The following ADGRL2 variants were observed in gnomAD, a reference collection of about 807,000 sequenced individuals.
ADGRL2 encodes adhesion G protein-coupled receptor L2.
A neutral mutation model predicts 157.4 loss-of-function variants in ADGRL2; 44 were observed. The observed-to-expected ratio is 0.28, with a 90% CI of 0.22 to 0.36. The LOEUF (loss-of-function observed/expected upper bound fraction) is 0.36. ADGRL2 is among the 10% of genes least tolerant of loss of function. The probability of loss-of-function intolerance (pLI) is 1.00; values close to 1 mark genes in which losing one functional copy is unlikely to be tolerated. For synonymous variants in ADGRL2, 585 were observed against 624.7 expected (o/e 0.94, Z 0.95); for missense variants, 1,510 against 1,768.9 (o/e 0.85, Z 2.63).
intron 2 of ADGRL2, among the ~76,000 whole-genome samples, chr1:81,508,737 G>A (rs2079024171): frequency 6.6e-6 from 1 of 152,162 alleles, no homozygotes. Context: ...GGGAACATAG[G>A]AATCACACAC....
chr1:81,920,962 G>T (rs1014062772), intron 3 of ADGRL2, among the ~76,000 whole-genome samples: 1 of 151,632 alleles, frequency 6.6e-6, no homozygotes, highest in Non-Finnish European at 1.5e-5. Flanking sequence ...TTTAATAAAA[G>T]TAATATTTTG....
chr1:81,438,040 A>G (rs141249283), intron 1 of ADGRL2, among the ~76,000 whole-genome samples: 5 of 32,586 alleles, frequency 1.5e-4, no homozygotes, highest in Non-Finnish European at 5.4e-4. Flanking sequence ...CTGTTTGGGG[A>G]AAAAAAAAAA....
At chr1:81,967,330 C>T (rs186263289) in intron 13 of ADGRL2, among the ~76,000 whole-genome samples, 201 of 150,868 alleles carry the variant, frequency 1.3e-3, no homozygotes, top group Non-Finnish European at 2.4e-3. Context: ...GGCGCGATCT[C>T]GGCTCACTGC....
At chr1:81,448,137 C>CTTTTTTTTTT (rs1168945231) in intron 2 of ADGRL2, among the ~76,000 whole-genome samples, 14 of 83,500 alleles carry the variant, frequency 1.7e-4, no homozygotes, top group South Asian at 1.0e-3. Context: ...TTCTTTCTTT[C>CTTTTTTTTTT]TTTTTTTTTT....
In ADGRL2 at chr1:81,512,302, G is replaced by T. The variant is rs1016418781; in HGVS notation, c.-248+67213G>T. Among the ~76,000 whole-genome samples the T allele has an allele frequency of 2.6e-5, 4 of 152,140 alleles. No individual in the cohort carries two copies. The South Asian group carries it at 8.3e-4, about 31-fold the overall frequency. On this transcript the variant is annotated intron_variant, in intron 2 of 24. Transcript: ENST00000370721. The stretch of plus-strand genomic sequence containing the variant: ...TGATGCAAATTGCTTTATTGGTGAA[G>T]GGAATTAAAATTATAAAAAGCTGGG...
At chr1:81,485,480 T>C (rs2078480582) in intron 2 of ADGRL2, among the ~76,000 whole-genome samples, 1 of 152,188 alleles carries the variant, frequency 6.6e-6, no homozygotes, top group Non-Finnish European at 1.5e-5. Context: ...AATAAAAATA[T>C]GAACAGCAAA....
intron 1 of ADGRL2, among the ~76,000 whole-genome samples, chr1:81,825,948 GGAC>G (rs1039827367): frequency 3.3e-5 from 5 of 152,084 alleles, no homozygotes; most frequent in African/African-American, 1.2e-4. Flanking sequence ...AAAGATGTTA[GGAC>G]AGAGGGATTG....
chr1:81,423,886 C>CA (rs1306655295), intron 1 of ADGRL2, among the ~76,000 whole-genome samples: 14 of 152,096 alleles, frequency 9.2e-5, no homozygotes, highest in African/African-American at 3.1e-4. Flanking sequence ...AAGAGATTTA[C>CA]AAAAAAATGA....
chr1:81,415,751 G>C (rs1390742911), intron 1 of ADGRL2, among the ~76,000 whole-genome samples: 2 of 152,136 alleles, frequency 1.3e-5, no homozygotes, highest in Non-Finnish European at 2.9e-5. Flanking sequence ...TACTAATAGA[G>C]GCAGCATTCC....
At chr1:81,333,931 G>T (rs1038869658) in intron 1 of ADGRL2, among the ~76,000 whole-genome samples, 3 of 152,172 alleles carry the variant, frequency 2.0e-5, no homozygotes, top group Non-Finnish European at 4.4e-5. Flanking sequence ...AATATAAAAT[G>T]CATTATTGGT....
chr1:81,518,773 A>G (rs1406395254), intron 2 of ADGRL2, among the ~76,000 whole-genome samples: 8 of 151,504 alleles, frequency 5.3e-5, no homozygotes, highest in Admixed American at 5.3e-4. Flanking sequence ...ACTCCAGCCT[A>G]AGTAACAGAG....
chr1:81,967,012 T>C (rs1447421356), intron 13 of ADGRL2, among the ~76,000 whole-genome samples: 1 of 152,146 alleles, frequency 6.6e-6, no homozygotes, highest in Non-Finnish European at 1.5e-5. Context: ...ACTGATCACG[T>C]TTGACACAGC....
At chr1:81,466,977 C>T (rs1275386007) in intron 2 of ADGRL2, among the ~76,000 whole-genome samples, 1 of 151,460 alleles carries the variant, frequency 6.6e-6, no homozygotes, top group African/African-American at 2.4e-5. Flanking sequence ...ATGATAGTGC[C>T]GTCTTCCTTT....
At chr1:81,628,032 A>G (rs1033010189) in intron 3 of ADGRL2, among the ~76,000 whole-genome samples, 2 of 152,128 alleles carry the variant, frequency 1.3e-5, no homozygotes, top group African/African-American at 4.8e-5. Flanking sequence ...CATTTTTTGG[A>G]GCTGCTCTTT....
rs906227595 is a variant in ADGRL2 at position 81,754,720 on chromosome 1, CT to C, written c.-142-7084del. Among the ~76,000 whole-genome samples the C allele has an allele frequency of 2.9e-3, 416 of 142,880 alleles. 3 individuals are homozygous for C. Among genetic ancestry groups the C allele is most frequent in the African/African-American group, 0.01 (400 of 38,610 alleles). 93.7% of individuals were successfully genotyped at this position (142,880 alleles called of 152,430 possible). ...TTCCTTCCTTCCTCTCTCTCTCTTTCTTTTTTTCTTTCTTTCAATAACACAG... is the reference window on the plus strand; with the variant it reads ...TTCCTTCCTTCCTCTCTCTCTCTTTCTTTTTTCTTTCTTTCAATAACACAG... On this transcript the variant is annotated intron_variant, in intron 1 of 20. Coordinates refer to the ADGRL2 transcript ENST00000359929.
Position 81,943,385 on chromosome 1 carries a change from G to C in ADGRL2, c.826G>C (p.Gly276Arg), listed in dbSNP as rs778395762. The C allele has an allele frequency of 1.2e-6, 2 of 1,613,664 alleles. No individual in the cohort carries two copies. The stretch of plus-strand genomic sequence containing the variant: ...TATCGACCTAGCAGTTGATGAAAAT[G>C]GTTTATGGGTCATTTACGCCACTGA... ...TDIDLAVDEN[G>R]LWVIYATEQN... Residue 276 changes from glycine to arginine, a missense_variant, in exon 6 of 24, where the codon GGT (glycine) becomes CGT (arginine). Coordinates refer to ENST00000686636, the MANE Select transcript of ADGRL2 (RefSeq NM_001366006.2). The surrounding 1 kb of genome is among the most constrained non-coding windows in gnomAD (Gnocchi z 5.6).
At chr1:81,524,321 G>A (rs1266180038) in intron 2 of ADGRL2, among the ~76,000 whole-genome samples, 4 of 152,122 alleles carry the variant, frequency 2.6e-5, no homozygotes, top group Non-Finnish European at 5.9e-5. Context: ...AGCCGAGATC[G>A]AGCCACTGCA....
intron 1 of ADGRL2, among the ~76,000 whole-genome samples, chr1:81,712,802 G>C (rs1343694772): frequency 8.7e-5 from 11 of 125,850 alleles, no homozygotes; most frequent in Non-Finnish European, 1.6e-4. Context: ...TAGCTCTGCT[G>C]CCCAGGCTGG....
intron 3 of ADGRL2, among the ~76,000 whole-genome samples, chr1:81,585,208 G>A (rs993254798): frequency 4.6e-5 from 7 of 152,072 alleles, no homozygotes; most frequent in Non-Finnish European, 7.4e-5. Flanking sequence ...CATAAGGAAA[G>A]CGGAGTTTTT....
Sources: allele counts gnomAD v4.1 joint callset (sites outside exome capture counted in the v4.1 genomes callset), GRCh38; gene constraint gnomAD v4.1.1; non-coding constraint Gnocchi (gnomAD v3.1); transcripts MANE v1.5; gene names NCBI Gene and HGNC (gene_info 2026-07-23, HGNC 2026-07-21).